EDC3: variants seen among roughly 807,000 people sequenced by gnomAD.
EDC3 encodes enhancer of mRNA-decapping protein 3.
Under a neutral mutation model 41.8 loss-of-function variants are expected in EDC3, and 20 were observed. The ratio of observed to expected loss-of-function variants is 0.48; its 90% CI spans 0.34 to 0.70. The LOEUF (loss-of-function observed/expected upper bound fraction) is 0.70. Among genes scored for constraint, EDC3 ranks in the 30% least tolerant of loss-of-function variants. The probability of loss-of-function intolerance (pLI) is 0.01; values close to 1 mark genes in which losing one functional copy is unlikely to be tolerated. For synonymous variants in EDC3, 206 were observed against 243.2 expected (o/e 0.85, Z 1.42); for missense variants, 444 against 636.8 (o/e 0.70, Z 3.26).
At position 74,656,008 on chromosome 15, in the gene EDC3, C is replaced by T; in HGVS notation, c.545G>A (p.Gly182Asp). 6.2e-7 allele frequency: 1 copy of T among 1,613,724 alleles called. No homozygotes were observed. The highest frequency in any genetic ancestry group is 8.5e-7 in the Non-Finnish European group (1 of 1,179,984). ...ATPKKSGLKN[G>D]QMKNKDDECF... ...CTCGTCATCTTTATTCTTCATCTGG[C>T]CATTCTTTAAACCACTTTTCTTGGG... is the stretch of plus-strand genomic sequence containing the variant. The change falls in exon 4 of 7, where the codon GGC becomes GAC. Residue 182 changes from glycine to aspartate, a missense_variant. By Grantham distance (94) the Gly-to-Asp change is moderately conservative (BLOSUM62 -1). Coordinates refer to ENST00000315127, the MANE Select transcript of EDC3 (RefSeq NM_025083.5).
chr15:74,689,457 T>C (rs1275413748), intron 1 of EDC3, among the ~76,000 whole-genome samples: 1 of 152,256 alleles, frequency 6.6e-6, no homozygotes, highest in Non-Finnish European at 1.5e-5. Flanking sequence ...TGTGAATTAC[T>C]ATTCAGTCAA....
chr15:74,657,896 G>A (rs985355116), intron 3 of EDC3, among the ~76,000 whole-genome samples: 1 of 152,146 alleles, frequency 6.6e-6, no homozygotes, highest in Admixed American at 6.5e-5. Context: ...TTGTGGGTAA[G>A]CAGTTTCTGA....
chr15:74,653,307 CT>C (rs2062504473), intron 4 of EDC3, among the ~76,000 whole-genome samples: 2 of 152,008 alleles, frequency 1.3e-5, no homozygotes, highest in South Asian at 4.2e-4. Context: ...GACTGTTTCC[CT>C]ATATATTCTA....
Position 74,630,596 on chromosome 15 carries a change from G to A in EDC3, c.*2016C>T, listed in dbSNP as rs988370612. On this transcript the variant is annotated 3_prime_UTR_variant, in exon 7 of 7. Coordinates refer to ENST00000315127, the MANE Select transcript of EDC3 (RefSeq NM_025083.5). ...CAGCTTTATTTCAGTGCTGGTTTTT[G>A]GTTCCCTAAGAGCTGCATGAGTGCT... The A allele has an allele frequency of 7.9e-5, 12 of 152,280 alleles. No individual in the cohort carries two copies. Among genetic ancestry groups the A allele is most frequent in the African/African-American group, 2.9e-4 (12 of 41,444 alleles). 9.4% of individuals were successfully genotyped at this position (152,280 alleles called of 1,614,324 possible).
chr15:74,656,241 T>C (rs1008926861), intron 3 of EDC3, among the ~76,000 whole-genome samples, 173 bp from the exon 4 acceptor site: 5 of 152,090 alleles, frequency 3.3e-5, no homozygotes, highest in Non-Finnish European at 7.3e-5. Flanking sequence ...TGTGCAATAA[T>C]AGGTTTCAAA....
intron 3 of EDC3, among the ~76,000 whole-genome samples, chr15:74,665,143 G>A (rs1379254727): frequency 6.6e-6 from 1 of 152,200 alleles, no homozygotes; most frequent in Non-Finnish European, 1.5e-5. Flanking sequence ...CCCTGCCTCA[G>A]CCTCCCAAGT....
chr15:74,646,333 A>G (rs550553353), intron 4 of EDC3, among the ~76,000 whole-genome samples: 1 of 152,178 alleles, frequency 6.6e-6, no homozygotes, highest in Non-Finnish European at 1.5e-5. Flanking sequence ...TCGACCTCCC[A>G]AAGTGTTGGG....
chr15:74,679,213 AAAAG>A (rs2062842064), intron 1 of EDC3, among the ~76,000 whole-genome samples: 1 of 152,106 alleles, frequency 6.6e-6, no homozygotes, highest in Non-Finnish European at 1.5e-5. Flanking sequence ...AAAATTAAAA[AAAAG>A]AAAGAAGCAT....
chr15:74,663,483 C>T (rs2062644452), intron 3 of EDC3, among the ~76,000 whole-genome samples: 1 of 151,956 alleles, frequency 6.6e-6, no homozygotes, highest in African/African-American at 2.4e-5. Flanking sequence ...TTTCTGAGCG[C>T]CAACGTGATG....
rs76943949 is a variant in EDC3, at chr15:74,655,734, C to T, written c.819G>A (p.Thr273=). 1,463 of 1,601,976 alleles carry T rather than the reference C, an allele frequency of 9.1e-4. 8 individuals carry two copies. The African/African-American group carries it at 0.016, about 17-fold the overall frequency. The change falls in exon 4 of 7, where the codon ACG becomes ACA. Residue 273 remains threonine, a splice_region_variant and synonymous_variant. Coordinates refer to ENST00000315127, the MANE Select transcript of EDC3 (RefSeq NM_025083.5). The part of the protein sequence containing the change: ...VPHNVSKEFC[T]DSGLVVPSIS... ...GATGTGGGACCTGATGCAACTCACC[C>T]GTGCAGAACTCCTTGCTCACGTTGT... is the stretch of plus-strand genomic sequence containing the variant.
chr15:74,679,772 A>AAC (rs1555457171), intron 1 of EDC3: 4 of 149,800 alleles, frequency 2.7e-5, no homozygotes, highest in African/African-American at 9.8e-5. Context: ...AAAAAAAAAA[A>AAC]AAAAAAAAAA....
At chr15:74,689,547 C>T (rs995112941) in intron 1 of EDC3, among the ~76,000 whole-genome samples, 8 of 150,664 alleles carry the variant, frequency 5.3e-5, no homozygotes, top group South Asian at 2.1e-4. Flanking sequence ...TTTTTTGAGA[C>T]GGAGTCTCGC....
At chr15:74,663,712 A>T (rs1019156801) in intron 3 of EDC3, among the ~76,000 whole-genome samples, 5 of 152,120 alleles carry the variant, frequency 3.3e-5, no homozygotes, top group African/African-American at 7.2e-5. Flanking sequence ...AAAAAAAAAA[A>T]AAAAGCTAAT....
chr15:74,678,029 A>G (rs764599498), intron 1 of EDC3, among the ~76,000 whole-genome samples: 1 of 148,916 alleles, frequency 6.7e-6, no homozygotes, highest in Non-Finnish European at 1.5e-5. Context: ...TTCCAGCTAC[A>G]AGGTTTTCTG....
intron 1 of EDC3, among the ~76,000 whole-genome samples, chr15:74,684,321 C>A (rs1404175326): frequency 1.3e-5 from 2 of 151,696 alleles, no homozygotes; most frequent in Non-Finnish European, 2.9e-5. Flanking sequence ...CAGGCCCACA[C>A]CACCACACCC....
intron 1 of EDC3, among the ~76,000 whole-genome samples, chr15:74,676,238 A>G (rs2062806327): frequency 6.6e-6 from 1 of 152,212 alleles, no homozygotes; most frequent in African/African-American, 2.4e-5. Flanking sequence ...CTTTTGTATG[A>G]CATGCTTAAT....
intron 1 of EDC3, among the ~76,000 whole-genome samples, chr15:74,684,704 G>C (rs559465189): frequency 2.5e-4 from 38 of 152,016 alleles, no homozygotes; most frequent in African/African-American, 8.9e-4. Context: ...GACATAATTA[G>C]CTGTTTACAG....
chr15:74,662,142 T>A (rs139427950), intron 3 of EDC3, among the ~76,000 whole-genome samples: 50 of 152,328 alleles, frequency 3.3e-4, no homozygotes, highest in South Asian at 1.0e-3. Context: ...ATTTTTGCTA[T>A]TACAGACTCG....
chr15:74,682,976 C>T (rs931179799), intron 1 of EDC3, among the ~76,000 whole-genome samples: 7 of 151,368 alleles, frequency 4.6e-5, no homozygotes, highest in Admixed American at 2.6e-4. Context: ...GAGCCCAGAT[C>T]GCACCACTGC....
Sources: gnomAD v4.1 joint callset for allele counts (sites outside exome capture counted in the v4.1 genomes callset) on GRCh38, gnomAD v4.1.1 for gene constraint, MANE v1.5 for transcripts, NCBI Gene and HGNC (gene_info 2026-07-23, HGNC 2026-07-21) for gene names.